MARCHF8: variants seen among roughly 807,000 people sequenced by gnomAD.
The protein encoded by MARCHF8 is E3 ubiquitin-protein ligase MARCHF8.
In MARCHF8, 40 loss-of-function variants were observed where a neutral mutation model predicts 51.6. That is an observed-to-expected ratio of 0.77 (90% CI 0.60 to 1.01). MARCHF8 has a LOEUF of 1.01. Ranked by LOEUF, MARCHF8 falls within the 50% of genes least tolerant of loss-of-function variation. MARCHF8 has a pLI of 0.00. For missense variants in MARCHF8, 685 were observed against 708.6 expected (o/e 0.97, Z 0.38); for synonymous variants, 263 against 280.3 (o/e 0.94, Z 0.62).
chr10:45,582,186 C>T (rs549825732), intron 1 of MARCHF8, among the ~76,000 whole-genome samples: 110 of 152,270 alleles, frequency 7.2e-4, no homozygotes, highest in African/African-American at 2.4e-3. Context: ...GCCTATCTAC[C>T]TTGACCTCTG....
intron 1 of MARCHF8, among the ~76,000 whole-genome samples, chr10:45,578,650 C>G (rs1408636867): frequency 6.6e-6 from 1 of 152,150 alleles, no homozygotes; most frequent in Admixed American, 6.5e-5. Context: ...AGTATCATGG[C>G]AGTAGAGAAA....
intron 3 of MARCHF8, among the ~76,000 whole-genome samples, chr10:45,468,547 G>A (rs1185719598): frequency 6.6e-6 from 1 of 152,204 alleles, no homozygotes; most frequent in Non-Finnish European, 1.5e-5. Context: ...TATTTCAAAA[G>A]GGAGAGGGCC....
At chr10:45,559,464 C>A (rs1242575052) in intron 1 of MARCHF8, among the ~76,000 whole-genome samples, 1 of 152,196 alleles carries the variant, frequency 6.6e-6, no homozygotes, top group Non-Finnish European at 1.5e-5. Context: ...CAGGTTCAAG[C>A]AATTCTCCTG....
At chr10:45,517,520 C>T (rs897571744) in intron 2 of MARCHF8, among the ~76,000 whole-genome samples, 1 of 152,138 alleles carries the variant, frequency 6.6e-6, no homozygotes, top group African/African-American at 2.4e-5. Context: ...CCTCCCCAGA[C>T]CTCTTGCTCC....
At position 45,463,432 on chromosome 10, in the gene MARCHF8, C is replaced by T. The variant is rs1341454919; in HGVS notation, c.807G>A (p.Leu269=). Residue 269 remains leucine (L), a synonymous_variant, in exon 5 of 8, where the codon TTG becomes TTA. Coordinates refer to ENST00000453424, the MANE Select transcript of MARCHF8 (RefSeq NM_001282866.2). ...GGAACCTGTGCAGGCTGCTGGCGCT[C>T]AAGCCGTGCGAGAGTGAGAACAGGT... ...LQYLFSLSHG[L]SASSLHRFHE... is the part of the protein sequence containing the mutation. The T allele has an allele frequency of 6.4e-7, 1 of 1,550,494 alleles. No homozygotes were observed. Among genetic ancestry groups the T allele is most frequent in the African/African-American group, 1.4e-5 (1 of 73,050 alleles).
At chr10:45,589,558 C>A (rs1589198803) in intron 1 of MARCHF8, among the ~76,000 whole-genome samples, 1 of 152,212 alleles carries the variant, frequency 6.6e-6, no homozygotes, top group East Asian at 1.9e-4. Flanking sequence ...CTGTCAAACC[C>A]CCATTTTTCC....
intron 1 of MARCHF8, among the ~76,000 whole-genome samples, chr10:45,554,128 A>C (rs2044226372): frequency 1.3e-5 from 2 of 152,250 alleles, no homozygotes. Flanking sequence ...CCCTATAGGA[A>C]TCTATCCTAA....
At chr10:45,582,953 A>G (rs1353355014) in intron 1 of MARCHF8, among the ~76,000 whole-genome samples, 1 of 152,192 alleles carries the variant, frequency 6.6e-6, no homozygotes, top group African/African-American at 2.4e-5. Flanking sequence ...CCACAGTCAG[A>G]GAGTGGGAAA....
At chr10:45,580,154 T>G (rs1455812300) in intron 1 of MARCHF8, among the ~76,000 whole-genome samples, 1 of 151,968 alleles carries the variant, frequency 6.6e-6, no homozygotes, top group African/African-American at 2.4e-5. Context: ...ATAATCCACA[T>G]TAAACAATAG....
At chr10:45,486,973 C>T (rs1452959311) in intron 3 of MARCHF8, among the ~76,000 whole-genome samples, 1 of 151,740 alleles carries the variant, frequency 6.6e-6, no homozygotes, top group Non-Finnish European at 1.5e-5. Flanking sequence ...CCACGCCTGG[C>T]TATTTTTTTG....
At chr10:45,588,461 A>G (rs1454788397) in intron 1 of MARCHF8, among the ~76,000 whole-genome samples, 2 of 152,238 alleles carry the variant, frequency 1.3e-5, no homozygotes, top group Non-Finnish European at 2.9e-5. Flanking sequence ...TGTTTTAAAT[A>G]TAAAAGTTAC....
At chr10:45,469,593 C>T (rs918609871) in intron 3 of MARCHF8, among the ~76,000 whole-genome samples, 3 of 152,172 alleles carry the variant, frequency 2.0e-5, no homozygotes, top group Middle Eastern at 3.4e-3. Context: ...TGGCCAGGCG[C>T]GGTGGCTCAC....
intron 1 of MARCHF8, among the ~76,000 whole-genome samples, chr10:45,552,867 A>G (rs1485715446): frequency 3.9e-5 from 6 of 152,202 alleles, no homozygotes; most frequent in African/African-American, 1.4e-4. Flanking sequence ...AGTTGTACTC[A>G]TTCTGCAATG....
chr10:45,473,150 A>T (rs1203144436), intron 3 of MARCHF8, among the ~76,000 whole-genome samples: 5 of 152,222 alleles, frequency 3.3e-5, no homozygotes, highest in African/African-American at 1.2e-4. Context: ...GATACGTGAC[A>T]TTCTGCTGTA....
chr10:45,542,859 T>C (rs980312858), intron 1 of MARCHF8, among the ~76,000 whole-genome samples: 3 of 152,190 alleles, frequency 2.0e-5, no homozygotes, highest in Non-Finnish European at 2.9e-5. Context: ...CCTGGATCAT[T>C]ATTTAAGATA....
In MARCHF8 at chr10:45,457,825, G is replaced by C; in HGVS notation, c.*414C>G. The C allele has an allele frequency of 6.0e-6, 1 of 167,802 alleles. No individual in the cohort carries two copies. Among genetic ancestry groups the C allele is most frequent in the Non-Finnish European group, 1.3e-5 (1 of 79,110 alleles). 10.4% of individuals were successfully genotyped at this position (167,802 alleles called of 1,614,324 possible). A position where few individuals can be genotyped will look rare whatever the true frequency, so the allele number is the denominator to read the frequency against. ...GCCGTGATGCAGAGGGAATCTTCTC[G>C]TCATGGCTAGACACTCCCCAATGCT... On this transcript the variant is annotated 3_prime_UTR_variant, in exon 8 of 8. Coordinates refer to ENST00000453424, the MANE Select transcript of MARCHF8 (RefSeq NM_001282866.2).
chr10:45,484,000 T>C (rs973557024), intron 3 of MARCHF8, among the ~76,000 whole-genome samples: 9 of 151,894 alleles, frequency 5.9e-5, no homozygotes, highest in African/African-American at 2.2e-4. Flanking sequence ...AACAACAGAG[T>C]AGGGTGACTA....
At chr10:45,571,525 C>G (rs1023502412) in intron 1 of MARCHF8, among the ~76,000 whole-genome samples, 1 of 152,146 alleles carries the variant, frequency 6.6e-6, no homozygotes, top group Admixed American at 6.5e-5. Context: ...AGCTTTATTG[C>G]TCACACAAAG....
chr10:45,572,696 G>A (rs2044444742), intron 1 of MARCHF8, among the ~76,000 whole-genome samples: 1 of 151,938 alleles, frequency 6.6e-6, no homozygotes, highest in African/African-American at 2.4e-5. Context: ...CCTCCCGCCT[G>A]TCCCTTCAGT....
Sources: allele counts gnomAD v4.1 joint callset (sites outside exome capture counted in the v4.1 genomes callset), GRCh38; gene constraint gnomAD v4.1.1; transcripts MANE v1.5; gene names NCBI Gene and HGNC (gene_info 2026-07-23, HGNC 2026-07-21).